Variants in CLIP4 observed in about 807,000 individuals in gnomAD.
The protein encoded by CLIP4 is CAP-Gly domain containing linker protein family member 4.
CLIP4 carries 47 observed loss-of-function variants against 73.1 expected under a neutral mutation model. The observed-to-expected ratio is 0.64, with a 90% CI of 0.51 to 0.82. CLIP4 has a LOEUF of 0.82. CLIP4 is among the 40% of genes least tolerant of loss of function. CLIP4 has a pLI of 0.00. For synonymous variants in CLIP4, 306 were observed against 295.4 expected (o/e 1.04, Z -0.37); for missense variants, 874 against 852.9 (o/e 1.02, Z -0.31).
intron 14 of CLIP4, among the ~76,000 whole-genome samples, chr2:29,170,801 T>A (rs1011427244): frequency 6.6e-6 from 1 of 152,168 alleles, no homozygotes; most frequent in Non-Finnish European, 1.5e-5. Flanking sequence ...TGTCTAGATT[T>A]TTTTTTTTCA....
At chr2:29,176,579 G>A (rs965318199) in intron 15 of CLIP4, among the ~76,000 whole-genome samples, 2 of 152,182 alleles carry the variant, frequency 1.3e-5, no homozygotes, top group Non-Finnish European at 2.9e-5. Flanking sequence ...ATGGCAGAAA[G>A]GGGGAGGGAA....
At chr2:29,125,085 T>A (rs1437862921) in intron 2 of CLIP4, among the ~76,000 whole-genome samples, 1 of 152,198 alleles carries the variant, frequency 6.6e-6, no homozygotes, top group East Asian at 1.9e-4. Flanking sequence ...GAGGTCCTAC[T>A]TTTCTGATTT....
chr2:29,168,824 C>G (rs1248705395), intron 14 of CLIP4, among the ~76,000 whole-genome samples: 1 of 151,940 alleles, frequency 6.6e-6, no homozygotes, highest in Non-Finnish European at 1.5e-5. Context: ...GCCCAGCCTG[C>G]ACTTTTTGTT....
intron 11 of CLIP4, among the ~76,000 whole-genome samples, chr2:29,157,896 G>A (rs1018289039): frequency 1.3e-5 from 2 of 152,130 alleles, no homozygotes; most frequent in Admixed American, 1.3e-4. Flanking sequence ...CCTATATAGC[G>A]AACTTGTCCA....
chr2:29,152,929 CTG>C, intron 9 of CLIP4, 101 bp downstream of exon 9: 1 of 1,285,310 alleles, frequency 7.8e-7, no homozygotes, highest in South Asian at 1.4e-5. Context: ...TTAGCCAACT[CTG>C]AAACCTGAAT....
intron 12 of CLIP4, among the ~76,000 whole-genome samples, chr2:29,161,922 C>A (rs1667319417): frequency 6.6e-6 from 1 of 152,192 alleles, no homozygotes; most frequent in Non-Finnish European, 1.5e-5. Context: ...TGTCTCCCAA[C>A]ACAGTCTTGT....
At chr2:29,137,198 G>C (rs1665428272) in intron 6 of CLIP4, among the ~76,000 whole-genome samples, 1 of 151,792 alleles carries the variant, frequency 6.6e-6, no homozygotes, top group South Asian at 2.1e-4. Context: ...CCGTCTTTAG[G>C]GGTCCCAGTG....
chr2:29,178,781 G>C (rs916453168), intron 15 of CLIP4, among the ~76,000 whole-genome samples: 1 of 152,052 alleles, frequency 6.6e-6, no homozygotes, highest in Non-Finnish European at 1.5e-5. Flanking sequence ...ATATGTGTGT[G>C]TGAGTGTGTT....
intron 2 of CLIP4, among the ~76,000 whole-genome samples, chr2:29,127,560 T>C (rs938663272): frequency 2.0e-5 from 3 of 152,128 alleles, no homozygotes; most frequent in Non-Finnish European, 4.4e-5. Context: ...TTCAAAGACA[T>C]AAAAATTATA....
At chr2:29,118,231 T>C (rs1664003951) in intron 1 of CLIP4, 1 of 152,256 alleles carries the variant, frequency 6.6e-6, no homozygotes, top group African/African-American at 2.4e-5. Flanking sequence ...TGAAGTCTCC[T>C]GGCTTCAGTA....
Position 29,121,502 on chromosome 2 carries a change from A to G in CLIP4, c.114A>G (p.Ala38=), listed in dbSNP as rs142909725. 24 of 1,613,648 alleles carry G rather than the reference A, an allele frequency of 1.5e-5. No homozygotes were observed. Among genetic ancestry groups the G allele is most frequent in the Non-Finnish European group, 2.0e-5 (24 of 1,179,846 alleles). The change falls in exon 2 of 16, where the codon GCA becomes GCG. Residue 38 remains alanine, a synonymous_variant. Coordinates refer to ENST00000320081, the MANE Select transcript of CLIP4 (RefSeq NM_024692.6). ...DTPVIFSISA[A]PMPSDCEFSF... is the part of the protein sequence containing the mutation. ...CAGTTATCTTTTCCATTTCTGCAGC[A>G]CCAATGCCTTCAGACTGTGGTATGT...
chr2:29,158,993 C>T (rs1046387919), intron 11 of CLIP4, among the ~76,000 whole-genome samples: 17 of 152,260 alleles, frequency 1.1e-4, no homozygotes, highest in Middle Eastern at 3.4e-3. Context: ...GACAAGGGGA[C>T]GGGCCTGAGG....
chr2:29,134,912 T>C (rs1665239099), intron 5 of CLIP4, among the ~76,000 whole-genome samples: 1 of 152,224 alleles, frequency 6.6e-6, no homozygotes, highest in African/African-American at 2.4e-5. Context: ...CTATGCTTAA[T>C]TAGACTTTAA....
chr2:29,143,740 T>C lies in CLIP4; in HGVS notation c.680T>C (p.Val227Ala). ...AAAGGACAGATCCCTGCTGATGTTG[T>C]TCCAGACCCAGTAGATATGCCGTTA... ...NDKGQIPADV[V>A]PDPVDMPLEM... Residue 227 changes from valine (V) to alanine (A), a missense_variant, in exon 7 of 16, where the codon GTT becomes GCT. Transcript: ENST00000320081. 2 of 1,613,812 alleles carry C rather than the reference T, an allele frequency of 1.2e-6. No individual in the cohort carries two copies. The highest frequency in any genetic ancestry group is 1.7e-6 in the Non-Finnish European group (2 of 1,179,624).
At chr2:29,175,907 G>GC (rs199845245) in intron 15 of CLIP4, among the ~76,000 whole-genome samples, 4,509 of 151,988 alleles carry the variant, frequency 0.03, 197 homozygotes, top group Admixed American at 0.12. Context: ...GACTACAGGC[G>GC]CCCGCCACCA....
intron 13 of CLIP4, 73 bp from the exon 14 acceptor site, chr2:29,167,403 A>C: frequency 9.7e-7 from 1 of 1,031,026 alleles, no homozygotes; most frequent in Non-Finnish European, 1.4e-6. Context: ...TGGTGTGAAA[A>C]ACTTAGTTGA....
chr2:29,156,672 A>G (rs1379564237), intron 10 of CLIP4, among the ~76,000 whole-genome samples: 1 of 152,190 alleles, frequency 6.6e-6, no homozygotes, highest in African/African-American at 2.4e-5. Flanking sequence ...TTAGATAACT[A>G]CTGGACTAGA....
Position 29,131,299 on chromosome 2 carries a change from A to G in CLIP4, c.175A>G (p.Ile59Val), listed in dbSNP as rs903109262. Residue 59 changes from isoleucine (I) to valine (V), a missense_variant, in exon 3 of 16, where the codon ATT becomes GTT. Transcript: ENST00000320081. ...TCCTAATGATGCATCATGCCAGGAA[A>G]TTCTTTTTGATCCCAAAACTTCAGT... is the stretch of plus-strand genomic sequence containing the variant. ...FDPNDASCQE[I>V]LFDPKTSVSE... 7 of 1,610,228 alleles carry G rather than the reference A, an allele frequency of 4.3e-6. No individual in the cohort carries two copies. Among genetic ancestry groups the G allele is most frequent in the African/African-American group, 2.7e-5 (2 of 74,794 alleles).
rs866329962 is a variant in CLIP4, at chr2:29,130,018, C to T, written c.134-1240C>T. The T allele has an allele frequency of 1.1e-5, 5 of 471,074 alleles. No individual in the cohort carries two copies. In the Middle Eastern group the frequency reaches 1.6e-3, roughly 153 times the overall value. The allele number at this position is 471,074 out of a possible 1,614,324, so 29.2% of individuals were successfully genotyped here. Reference sequence around the variant, plus strand: ...GGGAATCATGTGTTTCACCCTTCCCCCTTTTGAACAGAATAGGTTGACTTC... The same window carrying T: ...GGGAATCATGTGTTTCACCCTTCCCTCTTTTGAACAGAATAGGTTGACTTC... On this transcript the variant is annotated intron_variant, in intron 2 of 15. Transcript: ENST00000320081.
Sources: allele counts gnomAD v4.1 joint callset (sites outside exome capture counted in the v4.1 genomes callset), GRCh38; gene constraint gnomAD v4.1.1; transcripts MANE v1.5; gene names NCBI Gene and HGNC (gene_info 2026-07-23, HGNC 2026-07-21).